The following PRKAR2B variants were observed in gnomAD, a reference collection of about 807,000 sequenced individuals.
PRKAR2B encodes the protein cAMP-dependent protein kinase type II-beta regulatory subunit.
In PRKAR2B, 14 loss-of-function variants were observed where a neutral mutation model predicts 49.9. The observed-to-expected ratio is 0.28, with a 90% CI of 0.19 to 0.44. The LOEUF (loss-of-function observed/expected upper bound fraction) is 0.44, where lower values mean the gene tolerates loss of function less well. Ranked by LOEUF, PRKAR2B falls within the 20% of genes least tolerant of loss-of-function variation. The pLI is 1.00. For synonymous variants in PRKAR2B, 196 were observed against 197.7 expected (o/e 0.99, Z 0.07); for missense variants, 393 against 537.9 (o/e 0.73, Z 2.67).
At chr7:107,143,248 A>C (rs944585744) in intron 5 of PRKAR2B, among the ~76,000 whole-genome samples, 1 of 152,226 alleles carries the variant, frequency 6.6e-6, no homozygotes, top group Non-Finnish European at 1.5e-5. Flanking sequence ...CAGCATTGCT[A>C]GTCTGAAAAT....
chr7:107,060,060 G>GTT (rs11436034), intron 1 of PRKAR2B, among the ~76,000 whole-genome samples: 40 of 151,898 alleles, frequency 2.6e-4, no homozygotes, highest in African/African-American at 4.8e-4. Flanking sequence ...GGAAAATATA[G>GTT]TTTTTTTAAT....
chr7:107,093,043 G>A (rs1794760983), intron 2 of PRKAR2B, among the ~76,000 whole-genome samples: 1 of 152,022 alleles, frequency 6.6e-6, no homozygotes, highest in South Asian at 2.1e-4. Flanking sequence ...TTGTAGCGTG[G>A]GTCAGAATTT....
At chr7:107,095,849 A>C (rs932756969) in intron 2 of PRKAR2B, among the ~76,000 whole-genome samples, 6 of 152,230 alleles carry the variant, frequency 3.9e-5, no homozygotes, top group Non-Finnish European at 8.8e-5. Flanking sequence ...CCCAGGGATG[A>C]AGCCCACTTG....
chr7:107,106,422 G>A (rs916860560), intron 2 of PRKAR2B, among the ~76,000 whole-genome samples: 4 of 152,112 alleles, frequency 2.6e-5, no homozygotes, highest in African/African-American at 7.2e-5. Context: ...ACATCAGATG[G>A]ACAATAATAT....
At chr7:107,053,225 T>G (rs79184476) in intron 1 of PRKAR2B, among the ~76,000 whole-genome samples, 10,750 of 152,256 alleles carry the variant, frequency 0.071, 531 homozygotes, top group South Asian at 0.18. Context: ...CAAAATATAT[T>G]TGAGTGTACA....
chr7:107,143,891 A>C (rs1322778829), intron 5 of PRKAR2B, among the ~76,000 whole-genome samples: 1 of 152,142 alleles, frequency 6.6e-6, no homozygotes, highest in Non-Finnish European at 1.5e-5. Flanking sequence ...AATATTCTAA[A>C]ATCTGAAAAT....
At chr7:107,047,397 TTTAGAC>T (rs1033845005) in intron 1 of PRKAR2B, among the ~76,000 whole-genome samples, 2 of 152,160 alleles carry the variant, frequency 1.3e-5, no homozygotes, top group Non-Finnish European at 2.9e-5. Flanking sequence ...TAGTAAGTGT[TTTAGAC>T]TTAGGGCAAC....
At position 107,122,008 on chromosome 7, in the gene PRKAR2B, T is replaced by C. The variant is rs747562236; in HGVS notation, c.396+4T>C. On this transcript the variant is annotated splice_donor_region_variant and intron_variant, in intron 3 of 10. Coordinates refer to ENST00000265717, the MANE Select transcript of PRKAR2B (RefSeq NM_002736.3). Reference sequence around the variant, plus strand: ...AGAAGATGATGCAGAGTCCAGGGTATGTAATTTACTGAATGAATGAATTTT... The same window carrying C: ...AGAAGATGATGCAGAGTCCAGGGTACGTAATTTACTGAATGAATGAATTTT... 3 of 1,570,096 alleles carry C rather than the reference T, an allele frequency of 1.9e-6. No individual in the cohort carries two copies. The South Asian group carries it at 3.5e-5, about 18-fold the overall frequency.
chr7:107,129,566 G>A (rs1351207679), intron 4 of PRKAR2B, among the ~76,000 whole-genome samples: 11 of 152,176 alleles, frequency 7.2e-5, no homozygotes, highest in Non-Finnish European at 1.2e-4. Context: ...ACAGGAAAGA[G>A]GTCCTCATCC....
In PRKAR2B at chr7:107,102,309, C is replaced by G. The variant is rs184262451; in HGVS notation, c.344-19643C>G. Among the ~76,000 whole-genome samples, 426 of 152,350 alleles carry G rather than the reference C, an allele frequency of 2.8e-3. 2 individuals carry two copies. Among genetic ancestry groups the G allele is most frequent in the African/African-American group, 9.9e-3 (411 of 41,582 alleles). The stretch of plus-strand genomic sequence containing the variant: ...TTACAAATGATGCCATGGCAATGAT[C>G]TGGAAGTTACCTTATATGGTTCTGG... On this transcript the variant is annotated intron_variant, in intron 2 of 10. Transcript: ENST00000265717.
At chr7:107,057,320 C>T (rs1793935244) in intron 1 of PRKAR2B, among the ~76,000 whole-genome samples, 2 of 152,072 alleles carry the variant, frequency 1.3e-5, no homozygotes, top group Non-Finnish European at 2.9e-5. Context: ...TGAATGTGTT[C>T]TCTCGTTCCT....
chr7:107,122,537 T>C lies in PRKAR2B; in HGVS notation c.396+533T>C, dbSNP rs1172520497. On this transcript the variant is annotated intron_variant, in intron 3 of 10. Coordinates refer to ENST00000265717, the MANE Select transcript of PRKAR2B (RefSeq NM_002736.3). Reference sequence around the variant, plus strand: ...CAGTTTTTAAGCTATGTCTTTCAGCTCAGTTCTACTATTTATTTAGTAAAA... The same window carrying C: ...CAGTTTTTAAGCTATGTCTTTCAGCCCAGTTCTACTATTTATTTAGTAAAA... 2.0e-5 allele frequency among the ~76,000 whole-genome samples: 3 copies of C among 152,182 alleles called. No individual in the cohort carries two copies. The East Asian group carries it at 5.8e-4, about 29-fold the overall frequency.
At chr7:107,076,371 T>G (rs1403169052) in intron 2 of PRKAR2B, among the ~76,000 whole-genome samples, 1 of 152,208 alleles carries the variant, frequency 6.6e-6, no homozygotes, top group Non-Finnish European at 1.5e-5. Context: ...CAAGGATTTT[T>G]TATTGCATTT....
At chr7:107,080,253 C>T (rs1260231479) in intron 2 of PRKAR2B, among the ~76,000 whole-genome samples, 1 of 151,980 alleles carries the variant, frequency 6.6e-6, no homozygotes, top group African/African-American at 2.4e-5. Context: ...CTTTCAGATC[C>T]CACTGTGTGC....
intron 2 of PRKAR2B, 147 bp downstream of exon 2, chr7:107,070,463 T>C (rs757144227): frequency 8.7e-6 from 6 of 689,574 alleles, no homozygotes; most frequent in Admixed American, 3.2e-5. Context: ...CTATCTGATA[T>C]AATCACTATC....
intron 2 of PRKAR2B, among the ~76,000 whole-genome samples, chr7:107,095,453 G>A (rs1287933146): frequency 2.0e-5 from 3 of 152,114 alleles, no homozygotes; most frequent in Non-Finnish European, 4.4e-5. Flanking sequence ...TGCAAACAGG[G>A]ACAATTTGAC....
intron 4 of PRKAR2B, among the ~76,000 whole-genome samples, chr7:107,132,087 G>A (rs894719629): frequency 1.3e-5 from 2 of 152,334 alleles, no homozygotes; most frequent in South Asian, 4.1e-4. Context: ...GGCATGGTGA[G>A]AAGATGTCTG....
intron 2 of PRKAR2B, among the ~76,000 whole-genome samples, chr7:107,105,858 G>C (rs1463626349): frequency 2.0e-5 from 3 of 152,180 alleles, no homozygotes; most frequent in Non-Finnish European, 2.9e-5. Flanking sequence ...AGGCAGAAGA[G>C]TGCTTAAGGC....
At chr7:107,079,709 C>T (rs1215094574) in intron 2 of PRKAR2B, among the ~76,000 whole-genome samples, 4 of 152,132 alleles carry the variant, frequency 2.6e-5, no homozygotes, top group Admixed American at 6.5e-5. Flanking sequence ...TCCTTCCTTC[C>T]GATACCGTTA....
Sources: gnomAD v4.1 joint callset for allele counts (sites outside exome capture counted in the v4.1 genomes callset) on GRCh38, gnomAD v4.1.1 for gene constraint, MANE v1.5 for transcripts, NCBI Gene and HGNC (gene_info 2026-07-23, HGNC 2026-07-21) for gene names.